The following NAA25 variants were observed in gnomAD, a reference collection of about 807,000 sequenced individuals.
NAA25 encodes the protein N-terminal acetyltransferase B complex subunit NAA25.
In NAA25, 30 loss-of-function variants were observed where a neutral mutation model predicts 132.5. The observed-to-expected ratio is 0.23, with a 90% CI of 0.17 to 0.31. The LOEUF is 0.31. Among genes scored for constraint, NAA25 ranks in the 10% least tolerant of loss-of-function variants. NAA25 has a pLI of 1.00. For synonymous variants in NAA25, 359 were observed against 401.9 expected (o/e 0.89, Z 1.28); for missense variants, 771 against 1,150.4 (o/e 0.67, Z 4.77).
At chr12:112,055,113 T>C (rs2078525503) in intron 13 of NAA25, among the ~76,000 whole-genome samples, 1 of 152,200 alleles carries the variant, frequency 6.6e-6, no homozygotes, top group Admixed American at 6.5e-5. Context: ...ACTTATTCTT[T>C]AGGATCCATC....
chr12:112,039,332 G>C lies in NAA25; in HGVS notation c.2546C>G (p.Ser849Cys). ...ENLVFFVETI[S>C]VILWVSSYCE... is the part of the protein sequence containing the mutation. ...GTAACTGGATACCCAAAGGATAACA[G>C]AAATAGTCTGAAAGGAAAAATTGCA... The change falls in exon 22 of 24, where the codon TCT becomes TGT. Residue 849 changes from serine to cysteine, a missense_variant. Physicochemically the swap from Ser to Cys is moderately radical, Grantham distance 112 (BLOSUM62 -1). Transcript: ENST00000261745. 1 of 1,596,010 alleles carries C rather than the reference G, an allele frequency of 6.3e-7. No individual in the cohort carries two copies. The highest frequency in any genetic ancestry group is 8.6e-7 in the Non-Finnish European group (1 of 1,167,754).
chr12:112,080,104 C>T (rs1167433807), intron 5 of NAA25, among the ~76,000 whole-genome samples: 1 of 150,754 alleles, frequency 6.6e-6, no homozygotes, highest in Non-Finnish European at 1.5e-5. Context: ...CATGGTGAAA[C>T]CCCATCTCTA....
At chr12:112,064,521 C>A (rs967529645) in intron 11 of NAA25, among the ~76,000 whole-genome samples, 1 of 152,152 alleles carries the variant, frequency 6.6e-6, no homozygotes, top group Non-Finnish European at 1.5e-5. Context: ...AGCCACCATG[C>A]CCAGCCATTA....
intron 10 of NAA25, among the ~76,000 whole-genome samples, chr12:112,070,830 T>C (rs908487930): frequency 6.6e-6 from 1 of 152,200 alleles, no homozygotes; most frequent in Non-Finnish European, 1.5e-5. Flanking sequence ...CATCACAACC[T>C]GTACCTCCCA....
At chr12:112,087,043 A>G (rs1332183659) in intron 4 of NAA25, among the ~76,000 whole-genome samples, 1 of 151,774 alleles carries the variant, frequency 6.6e-6, no homozygotes, top group African/African-American at 2.4e-5. Flanking sequence ...CTAGCTTAAC[A>G]TCAGAGCCAT....
At chr12:112,069,168 T>C (rs1302190114) in intron 10 of NAA25, 176 bp from the exon 11 acceptor site, 2 of 556,346 alleles carry the variant, frequency 3.6e-6, no homozygotes, top group South Asian at 2.1e-5. Flanking sequence ...CTCATTGTTC[T>C]ACTCTTTCCC....
At chr12:112,106,248 T>C (rs2079360082) in intron 1 of NAA25, among the ~76,000 whole-genome samples, 1 of 152,242 alleles carries the variant, frequency 6.6e-6, no homozygotes, top group African/African-American at 2.4e-5. Flanking sequence ...TGTTTAGTGA[T>C]GTGAAATGGA....
At chr12:112,100,535 C>CA (rs1208033380) in intron 1 of NAA25, among the ~76,000 whole-genome samples, 4 of 151,826 alleles carry the variant, frequency 2.6e-5, no homozygotes, top group Admixed American at 2.6e-4. Flanking sequence ...CACACCTTAT[C>CA]ACTCTACTCC....
chr12:112,103,322 C>A (rs912562275), intron 1 of NAA25, among the ~76,000 whole-genome samples: 3 of 152,140 alleles, frequency 2.0e-5, no homozygotes, highest in African/African-American at 7.2e-5. Context: ...CTTGTTAACA[C>A]TTGGCCAAAA....
intron 16 of NAA25, 88 bp downstream of exon 16, chr12:112,048,204 C>T: frequency 7.6e-7 from 1 of 1,307,650 alleles, no homozygotes; most frequent in African/African-American, 1.5e-5. Flanking sequence ...TTACCTTAAG[C>T]CTGCCAATAA....
intron 2 of NAA25, among the ~76,000 whole-genome samples, chr12:112,092,258 C>T (rs906879476): frequency 3.4e-5 from 5 of 147,526 alleles, no homozygotes; most frequent in Non-Finnish European, 7.5e-5. Flanking sequence ...AAAAAAAAAA[C>T]GAAAAAAGAA....
At chr12:112,052,512 T>C (rs914582079) in intron 15 of NAA25, among the ~76,000 whole-genome samples, 4 of 152,188 alleles carry the variant, frequency 2.6e-5, no homozygotes, top group African/African-American at 9.7e-5. Flanking sequence ...TGCTTAGAGC[T>C]GTCCTTTGCT....
intron 14 of NAA25, among the ~76,000 whole-genome samples, chr12:112,054,012 A>G (rs1266942204): frequency 1.3e-5 from 2 of 152,202 alleles, no homozygotes; most frequent in Non-Finnish European, 2.9e-5. Flanking sequence ...AATAATAAAG[A>G]GTAGTCTAAA....
chr12:112,041,682 T>C (rs2078302902), intron 20 of NAA25, among the ~76,000 whole-genome samples: 1 of 152,122 alleles, frequency 6.6e-6, no homozygotes, highest in Admixed American at 6.6e-5. Flanking sequence ...CTCATATACA[T>C]AATATGTCAC....
intron 22 of NAA25, among the ~76,000 whole-genome samples, chr12:112,037,031 T>C (rs1389091157): frequency 1.3e-5 from 2 of 151,714 alleles, no homozygotes; most frequent in African/African-American, 4.8e-5. Flanking sequence ...ACCAGTGCTC[T>C]TGAAAAAATG....
intron 1 of NAA25, among the ~76,000 whole-genome samples, chr12:112,098,135 A>C (rs897495149): frequency 6.7e-6 from 1 of 149,582 alleles, no homozygotes; most frequent in South Asian, 2.1e-4. Flanking sequence ...AAAAAAAAAA[A>C]AAAAAACCAA....
chr12:112,034,597 G>C (rs2078198379), intron 22 of NAA25: 2 of 152,358 alleles, frequency 1.3e-5, no homozygotes, highest in African/African-American at 4.8e-5. Context: ...CTGGACTCCA[G>C]CCTGGGTAAC....
intron 23 of NAA25, among the ~76,000 whole-genome samples, chr12:112,030,565 T>C (rs1415362162): frequency 6.6e-6 from 1 of 152,194 alleles, no homozygotes; most frequent in East Asian, 1.9e-4. Context: ...TGCTGGCAAA[T>C]GTTTGCTGTA....
At chr12:112,055,860 T>A (rs940925991) in intron 13 of NAA25, among the ~76,000 whole-genome samples, 1 of 152,190 alleles carries the variant, frequency 6.6e-6, no homozygotes, top group East Asian at 1.9e-4. Flanking sequence ...GAAAGCACCA[T>A]GCAGTAAGAT....
Sources: gnomAD v4.1 joint callset for allele counts (sites outside exome capture counted in the v4.1 genomes callset) on GRCh38, gnomAD v4.1.1 for gene constraint, MANE v1.5 for transcripts, NCBI Gene and HGNC (gene_info 2026-07-23, HGNC 2026-07-21) for gene names.